Variants in UBR4 observed in about 807,000 individuals in gnomAD.
UBR4 encodes the protein ubiquitin protein ligase E3 component n-recognin 4.
Under a neutral mutation model 575.6 loss-of-function variants are expected in UBR4, and 124 were observed. That is an observed-to-expected ratio of 0.22 (90% CI 0.19 to 0.25). The LOEUF is 0.25. Ranked by LOEUF, UBR4 falls within the 10% of genes least tolerant of loss-of-function variation. The pLI is 1.00. For synonymous variants in UBR4, 2,455 were observed against 2,473.7 expected, an observed-to-expected ratio of 0.99 and a Z score of 0.22; for missense variants, 4,818 against 6,478.8, an observed-to-expected ratio of 0.74 and a Z score of 8.80.
chr1:19,074,831 G>T lies in UBR4; in HGVS notation c.*1C>A. On this transcript the variant is annotated 3_prime_UTR_variant, in exon 106 of 106. Coordinates refer to ENST00000375254, the MANE Select transcript of UBR4 (RefSeq NM_020765.3). Reference sequence around the variant, plus strand: ...TCGCCGCCGCAGCTGCTGTGTGGTGGTCAGGGGACTGAGTTCAACAGGTCC... The same window carrying T: ...TCGCCGCCGCAGCTGCTGTGTGGTGTTCAGGGGACTGAGTTCAACAGGTCC... The T allele has an allele frequency of 6.2e-7, 1 of 1,614,084 alleles. No homozygotes were observed. Among genetic ancestry groups the T allele is most frequent in the East Asian group, 2.2e-5 (1 of 44,880 alleles).
At chr1:19,125,380 C>T (rs1266469005) in intron 64 of UBR4, among the ~76,000 whole-genome samples, 3 of 152,106 alleles carry the variant, frequency 2.0e-5, no homozygotes, top group African/African-American at 7.2e-5. Flanking sequence ...GAGGGGAAGA[C>T]AGGTGAAGGA....
chr1:19,166,971 T>G (rs372330371), intron 29 of UBR4, 51 bp downstream of exon 29: 353 of 1,592,196 alleles, frequency 2.2e-4, no homozygotes, highest in Non-Finnish European at 2.9e-4. Flanking sequence ...TACATTTCAC[T>G]GATAGCAGCA....
chr1:19,090,734 T>G (rs1259655567), intron 97 of UBR4, among the ~76,000 whole-genome samples: 1 of 152,156 alleles, frequency 6.6e-6, no homozygotes, highest in African/African-American at 2.4e-5. Context: ...GGCCATAGCA[T>G]AAATGCCAAG....
At chr1:19,146,805 G>C (rs747100640) in intron 52 of UBR4, 21 bp downstream of exon 52, 1 of 1,605,698 alleles carries the variant, frequency 6.2e-7, no homozygotes, top group African/African-American at 1.3e-5. Context: ...TCAGGACCAC[G>C]GCCACAGAGG....
At chr1:19,182,113 G>A (rs1167888640) in intron 17 of UBR4, among the ~76,000 whole-genome samples, 1 of 152,182 alleles carries the variant, frequency 6.6e-6, no homozygotes, top group Admixed American at 6.5e-5. Context: ...GTTTATCCAT[G>A]TTGTAGCATG....
At position 19,128,299 on chromosome 1, in the gene UBR4, G is replaced by A; in HGVS notation, c.9023C>T (p.Thr3008Ile). The A allele has an allele frequency of 6.2e-7, 1 of 1,613,988 alleles. No individual in the cohort carries two copies. Among genetic ancestry groups the A allele is most frequent in the Non-Finnish European group, 8.5e-7 (1 of 1,179,926 alleles). ...TTTCTCATCTTCTCCATCCAGATCT[G>A]TAGTGAGCATTAGAATGACCTAGAA... ...PYMQVILMLTTDLDGEDEKDK... is the reference protein window; with the variant it reads ...PYMQVILMLTIDLDGEDEKDK... The change falls in exon 62 of 106, where the codon ACA becomes ATA. Residue 3008 changes from threonine (T) to isoleucine (I), a missense_variant. Thr to Ile is a moderately conservative substitution (Grantham distance 89, BLOSUM62 -1). Coordinates refer to ENST00000375254, the MANE Select transcript of UBR4 (RefSeq NM_020765.3).
At chr1:19,149,810 A>C in intron 49 of UBR4, 1 of 1,288,594 alleles carries the variant, frequency 7.8e-7, no homozygotes, top group South Asian at 1.3e-5. Context: ...GGGGAGAAGC[A>C]AAGAAAAAAA....
chr1:19,121,551 A>T, intron 67 of UBR4, 117 bp from the exon 68 acceptor site: 1 of 1,305,216 alleles, frequency 7.7e-7, no homozygotes. Flanking sequence ...TTTCTTTGCC[A>T]TGTTCTCTCT....
Position 19,086,007 on chromosome 1 carries a change from A to C in UBR4, c.14813+138T>G. On this transcript the variant is annotated intron_variant, in intron 101 of 105. Transcript: ENST00000375254. Reference sequence around the variant, plus strand: ...CCCTGTATGCTCTGGACAGCTCCCCAGTCAGCAAGCAGACAGACATGGATT... The same window carrying C: ...CCCTGTATGCTCTGGACAGCTCCCCCGTCAGCAAGCAGACAGACATGGATT... 7 of 1,330,854 alleles carry C rather than the reference A, an allele frequency of 5.3e-6. No individual in the cohort carries two copies. In the South Asian group the frequency reaches 1.0e-4, roughly 19 times the overall value. 82.4% of individuals were successfully genotyped at this position (1,330,854 alleles called of 1,614,324 possible). A position where few individuals can be genotyped will look rare whatever the true frequency, so the allele number is the denominator to read the frequency against.
chr1:19,095,027 T>C lies in UBR4; in HGVS notation c.13627-2A>G. On this transcript the variant is annotated splice_acceptor_variant, in intron 93 of 105. Coordinates refer to ENST00000375254, the MANE Select transcript of UBR4 (RefSeq NM_020765.3). LOFTEE classifies it high-confidence loss of function. ...GCTTTCTTGTTCAGCTACAAGGGCC[T>C]GTAGGAGAAGGAGACTCAGTCACTC... is the stretch of plus-strand genomic sequence containing the variant. 6.2e-7 allele frequency: 1 copy of C among 1,614,184 alleles called. No individual in the cohort carries two copies. The highest frequency in any genetic ancestry group is 8.5e-7 in the Non-Finnish European group (1 of 1,180,020).
At chr1:19,182,016 T>C (rs998023960) in intron 17 of UBR4, among the ~76,000 whole-genome samples, 4 of 152,200 alleles carry the variant, frequency 2.6e-5, no homozygotes, top group Admixed American at 6.5e-5. Context: ...CTCTATGAAT[T>C]TGACTACCTA....
intron 38 of UBR4, 28 bp from the exon 39 acceptor site, chr1:19,160,309 TG>T (rs1397214134): frequency 5.0e-6 from 7 of 1,398,964 alleles, no homozygotes; most frequent in African/African-American, 1.6e-5. Flanking sequence ...AATACACCAG[TG>T]AAAAAAAAAA....
Position 19,177,730 on chromosome 1 carries a change from T to C in UBR4, c.2368A>G (p.Met790Val), listed in dbSNP as rs199620126. 7.4e-5 allele frequency: 120 copies of C among 1,612,986 alleles called. No individual in the cohort carries two copies. In the Middle Eastern group the frequency reaches 1.0e-3, roughly 14 times the overall value. The part of the protein sequence containing the change: ...LKVWDRFLST[M>V]KQNALQGVVP... ...ACACCTTGCAGGGCATTCTGCTTCA[T>C]TGTAGACAAAAACCTACCAGAGAGA... The change falls in exon 19 of 106, where the codon ATG becomes GTG. Residue 790 changes from methionine (M) to valine (V), a missense_variant. Transcript: ENST00000375254.
At chr1:19,184,267 C>T (rs1200708353) in intron 15 of UBR4, 92 bp from the exon 16 acceptor site, 5 of 1,334,922 alleles carry the variant, frequency 3.7e-6, no homozygotes, top group Non-Finnish European at 5.1e-6. Flanking sequence ...AAAATATGCT[C>T]ATAGGTATCC....
In UBR4 at chr1:19,175,485, C is replaced by T. The variant is rs897421869; in HGVS notation, c.2774-452G>A. Among the ~76,000 whole-genome samples, 9 of 152,294 alleles carry T rather than the reference C, an allele frequency of 5.9e-5. No homozygotes were observed. In the South Asian group the frequency reaches 1.2e-3, roughly 21 times the overall value. The stretch of plus-strand genomic sequence containing the variant: ...CACTAAGGCTTCACAAAAGTTTCCA[C>T]AAAACACACTTAACATCTAATAATC... On this transcript the variant is annotated intron_variant, in intron 20 of 105. Coordinates refer to ENST00000375254, the MANE Select transcript of UBR4 (RefSeq NM_020765.3).
Position 19,200,491 on chromosome 1 carries a change from G to A in UBR4, c.275-737C>T, listed in dbSNP as rs193162574. 2.0e-5 allele frequency among the ~76,000 whole-genome samples: 3 copies of A among 152,020 alleles called. No homozygotes were observed. In the East Asian group the frequency reaches 5.8e-4, roughly 29 times the overall value. ...TAATCCCAGCACTTCGGGAGGCTGA[G>A]GTGGGTGGATCACTTCGGGAGGCTG... On this transcript the variant is annotated intron_variant, in intron 2 of 105. Transcript: ENST00000375254.
intron 7 of UBR4, 62 bp downstream of exon 7, chr1:19,197,608 C>T: frequency 6.3e-7 from 1 of 1,585,398 alleles, no homozygotes; most frequent in Non-Finnish European, 8.5e-7. Context: ...GCCTGGGTGA[C>T]AGAACAAGAC....
At chr1:19,193,344 T>C in intron 9 of UBR4, 89 bp downstream of exon 9, 1 of 1,531,692 alleles carries the variant, frequency 6.5e-7, no homozygotes, top group Non-Finnish European at 8.8e-7. Flanking sequence ...TACTCTAAGT[T>C]CTTTCTTCTA....
At chr1:19,205,957 G>A (rs1279415549) in intron 1 of UBR4, among the ~76,000 whole-genome samples, 3 of 152,176 alleles carry the variant, frequency 2.0e-5, no homozygotes, top group African/African-American at 7.2e-5. Flanking sequence ...ATTGTCGAAT[G>A]ATAACCATGC....
Sources: gnomAD v4.1 joint callset for allele counts (sites outside exome capture counted in the v4.1 genomes callset) on GRCh38, gnomAD v4.1.1 for gene constraint, MANE v1.5 for transcripts, NCBI Gene and HGNC (gene_info 2026-07-23, HGNC 2026-07-21) for gene names.